The following TBL3 variants were observed in gnomAD, a reference collection of about 807,000 sequenced individuals.
TBL3 encodes transducin beta like 3, also known as transducin beta-like protein 3.
In TBL3, 71 loss-of-function variants were observed where a neutral mutation model predicts 102.7. The observed-to-expected ratio is 0.69, with a 90% CI of 0.57 to 0.84. The LOEUF (loss-of-function observed/expected upper bound fraction) is 0.84. Among genes scored for constraint, TBL3 ranks in the 40% least tolerant of loss-of-function variants. The pLI is 0.00. For synonymous variants in TBL3, 578 were observed against 477.7 expected (o/e 1.21, Z -2.74); for missense variants, 1,188 against 1,098.5 (o/e 1.08, Z -1.15).
chr16:1,974,398 C>A lies in TBL3; in HGVS notation c.212C>A (p.Ala71Asp). ...LEQEDQEDIT[A>D]FDLSPDNEVL... is the part of the protein sequence containing the mutation. ...TAGGAGGACCAGGAGGACATCACTG[C>A]CTTTGACCTCAGCCCTGACAACGAG... Residue 71 changes from alanine to aspartate, a missense_variant, in exon 4 of 22, where the codon GCC (alanine) becomes GAC (aspartate). Coordinates refer to ENST00000568546, the MANE Select transcript of TBL3 (RefSeq NM_006453.3). 6.2e-7 allele frequency: 1 copy of A among 1,610,788 alleles called. No homozygotes were observed. Among genetic ancestry groups the A allele is most frequent in the South Asian group, 1.1e-5 (1 of 90,718 alleles).
At chr16:1,973,783 C>T (rs1372777668) in intron 1 of TBL3, among the ~76,000 whole-genome samples, 5 of 152,170 alleles carry the variant, frequency 3.3e-5, no homozygotes, top group Admixed American at 6.5e-5. Flanking sequence ...CCTGGAAGCC[C>T]TGGGCTGTTG....
chr16:1,980,249 C>A lies in TBL3; in HGVS notation c.*1564C>A, dbSNP rs551088000. 1.3e-6 allele frequency: 2 copies of A among 1,524,400 alleles called. No individual in the cohort carries two copies. Among genetic ancestry groups the A allele is most frequent in the South Asian group, 2.4e-5 (2 of 82,230 alleles). The allele number at this position is 1,524,400 out of a possible 1,614,324, so 94.4% of individuals were successfully genotyped here. A position where few individuals can be genotyped will look rare whatever the true frequency, so the allele number is the denominator to read the frequency against. On this transcript the variant is annotated 3_prime_UTR_variant, in exon 22 of 22. Transcript: ENST00000568546. The stretch of plus-strand genomic sequence containing the variant: ...GAGGGTGAAACTGGGGGCGCCACCC[C>A]GGCAAGACCGCCAGCCTCCCACTCT...
chr16:1,980,416 A>C lies in TBL3; in HGVS notation c.*1731A>C. 1 of 1,603,040 alleles carries C rather than the reference A, an allele frequency of 6.2e-7. No individual in the cohort carries two copies. Among genetic ancestry groups the C allele is most frequent in the Non-Finnish European group, 8.5e-7 (1 of 1,179,846 alleles). On this transcript the variant is annotated 3_prime_UTR_variant, in exon 22 of 22. Coordinates refer to ENST00000568546, the MANE Select transcript of TBL3 (RefSeq NM_006453.3). Reference sequence around the variant, plus strand: ...AGGTCCAGGGGTTGCGGTGCGAAGAAGCCAGTGATCGTCGGGCTCCGTGCC... The same window carrying C: ...AGGTCCAGGGGTTGCGGTGCGAAGACGCCAGTGATCGTCGGGCTCCGTGCC...
chr16:1,973,212 C>T (rs547104596), intron 1 of TBL3, among the ~76,000 whole-genome samples: 1 of 152,148 alleles, frequency 6.6e-6, no homozygotes, highest in Non-Finnish European at 1.5e-5. Flanking sequence ...GAGGCCGAAG[C>T]GGGCGGATCA....
intron 13 of TBL3, among the ~76,000 whole-genome samples, 192 bp downstream of exon 13, chr16:1,976,506 T>C (rs34775709): frequency 0.088 from 13,388 of 152,158 alleles, 660 homozygotes; most frequent in Non-Finnish European, 0.092. Flanking sequence ...GAAGTAGCCC[T>C]GGTGAAGTGG....
Position 1,975,580 on chromosome 16 carries a change from C to A in TBL3, c.857C>A (p.Ala286Asp). 6.3e-7 allele frequency: 1 copy of A among 1,599,154 alleles called. No homozygotes were observed. The highest frequency in any genetic ancestry group is 1.1e-5 in the South Asian group (1 of 90,868). ...TCTGGGCAGTGTGTGTACACGCAGG[C>A]CCAGCCGCCGGGCCCTGGGCAGGAG... ...AASGQCVYTQAQPPGPGQELT... is the reference protein window; with the variant it reads ...AASGQCVYTQDQPPGPGQELT... The change falls in exon 10 of 22, where the codon GCC becomes GAC. Residue 286 changes from alanine to aspartate, a missense_variant. Coordinates refer to ENST00000568546, the MANE Select transcript of TBL3 (RefSeq NM_006453.3).
Position 1,974,429 on chromosome 16 carries a change from T to A in TBL3, c.237+6T>A, listed in dbSNP as rs979280747. On this transcript the variant is annotated splice_donor_region_variant and intron_variant, in intron 4 of 21. Transcript: ENST00000568546. ...ACCTCAGCCCTGACAACGAGGTATG[T>A]GGGGCGGGGCCTGGAGGGGACCCGC... The A allele has an allele frequency of 6.2e-7, 1 of 1,607,532 alleles. No homozygotes were observed. Among genetic ancestry groups the A allele is most frequent in the Non-Finnish European group, 8.5e-7 (1 of 1,176,782 alleles).
Position 1,977,689 on chromosome 16 carries a change from AGGGAAGAGTCG to A in TBL3, c.1899+23_1899+33del. ...CTGGAAGGTTGTGGGCCCCAAGGGC[AGGGAAGAGTCG>A]GGGTGGAGTGGAGGCCCCATCTGAC... is the stretch of plus-strand genomic sequence containing the variant. On this transcript the variant is annotated intron_variant, in intron 17 of 21. Transcript: ENST00000568546. 1 of 1,551,934 alleles carries A rather than the reference AGGGAAGAGTCG, an allele frequency of 6.4e-7. No homozygotes were observed. The highest frequency in any genetic ancestry group is 8.7e-7 in the Non-Finnish European group (1 of 1,147,202).
At chr16:1,973,510 C>A (rs950542333) in intron 1 of TBL3, among the ~76,000 whole-genome samples, 25 of 152,154 alleles carry the variant, frequency 1.6e-4, no homozygotes, top group Admixed American at 6.5e-4. Flanking sequence ...TGGCCAGAGA[C>A]TGTGATGGGC....
Position 1,975,799 on chromosome 16 carries a change from A to G in TBL3, c.988-9A>G. The G allele has an allele frequency of 6.2e-7, 1 of 1,613,920 alleles. No homozygotes were observed. Among genetic ancestry groups the G allele is most frequent in the Non-Finnish European group, 8.5e-7 (1 of 1,179,996 alleles). ...TGGCTCACATCTCCTGCTCCCTGCC[A>G]CCCCGCAGTTCGCTGGCTACAGTGA... On this transcript the variant is annotated splice_polypyrimidine_tract_variant and intron_variant, in intron 10 of 21. Coordinates refer to ENST00000568546, the MANE Select transcript of TBL3 (RefSeq NM_006453.3).
Position 1,977,763 on chromosome 16 carries a change from G to T in TBL3, c.1921G>T (p.Ala641Ser), listed in dbSNP as rs148569672. ...LWKDVTEAEQ[A>S]EEQARQEEQV... ...CCAGGATGTGACCGAGGCGGAGCAG[G>T]CAGAGGAGCAGGCCAGGCAAGAGGA... The change falls in exon 18 of 22, where the codon GCA becomes TCA. Residue 641 changes from alanine to serine, a missense_variant. Coordinates refer to ENST00000568546, the MANE Select transcript of TBL3 (RefSeq NM_006453.3). 20 of 1,555,348 alleles carry T rather than the reference G, an allele frequency of 1.3e-5. No homozygotes were observed. The highest frequency in any genetic ancestry group is 1.7e-5 in the Non-Finnish European group (19 of 1,148,958).
In TBL3 at chr16:1,980,574, A is replaced by G. The variant is rs143970610; in HGVS notation, c.*1889A>G. 381 of 1,597,594 alleles carry G rather than the reference A, an allele frequency of 2.4e-4. 1 individual carries two copies. The African/African-American group carries it at 4.3e-3, about 18-fold the overall frequency. Reference sequence around the variant, plus strand: ...AGGCACCACAAAAACGTACTGTGATACGCCGCTTTGGGCTTCACTGGTCCC... The same window carrying G: ...AGGCACCACAAAAACGTACTGTGATGCGCCGCTTTGGGCTTCACTGGTCCC... On this transcript the variant is annotated 3_prime_UTR_variant, in exon 22 of 22. Transcript: ENST00000568546.
Position 1,976,119 on chromosome 16 carries a change from G to T in TBL3, c.1188+5G>T. ...CTCTTTGCCAGCTGTGCCAAGGTGAGGCACCCTGAGAGGTAGGGGCAGGGG... is the reference window on the plus strand; with the variant it reads ...CTCTTTGCCAGCTGTGCCAAGGTGATGCACCCTGAGAGGTAGGGGCAGGGG... On this transcript the variant is annotated splice_donor_5th_base_variant and intron_variant, in intron 12 of 21. Coordinates refer to ENST00000568546, the MANE Select transcript of TBL3 (RefSeq NM_006453.3). 3.1e-6 allele frequency: 5 copies of T among 1,614,130 alleles called. No homozygotes were observed. The highest frequency in any genetic ancestry group is 4.2e-6 in the Non-Finnish European group (5 of 1,180,048).
In TBL3 at chr16:1,976,243, G is replaced by A; in HGVS notation, c.1221G>A (p.Lys407=). 1.2e-6 allele frequency: 2 copies of A among 1,614,170 alleles called. No homozygotes were observed. The highest frequency in any genetic ancestry group is 1.7e-6 in the Non-Finnish European group (2 of 1,180,032). ...GCGTCCGTATCTGGAGAATGAACAA[G>A]GCTGGCCAGGTGATGTGCGTGGCTC... ...DQSVRIWRMN[K]AGQVMCVAQG... Residue 407 remains lysine (K), a synonymous_variant, in exon 13 of 22, where the codon AAG becomes AAA. Coordinates refer to ENST00000568546, the MANE Select transcript of TBL3 (RefSeq NM_006453.3).
In TBL3 at chr16:1,981,448, A is replaced by G. The variant is rs2083508741; in HGVS notation, c.*2763A>G. The G allele has an allele frequency of 3.9e-6, 3 of 777,554 alleles. No homozygotes were observed. The highest frequency in any genetic ancestry group is 5.8e-6 in the Non-Finnish European group (3 of 514,238). 48.2% of individuals were successfully genotyped at this position (777,554 alleles called of 1,614,324 possible). On this transcript the variant is annotated 3_prime_UTR_variant, in exon 22 of 22. Transcript: ENST00000568546. ...GAGGAAGAAGAAGAATGAGCTTTCC[A>G]GCCCTGGAGGCGTGCAAGACTGAAG...
chr16:1,973,361 T>C (rs941221190), intron 1 of TBL3, among the ~76,000 whole-genome samples: 2 of 151,658 alleles, frequency 1.3e-5, no homozygotes, highest in African/African-American at 2.4e-5. Flanking sequence ...ACCCGGGAGG[T>C]GGAGCTTGCA....
At position 1,980,842 on chromosome 16, in the gene TBL3, G is replaced by T; in HGVS notation, c.*2157G>T. The T allele has an allele frequency of 6.9e-7, 1 of 1,458,104 alleles. No homozygotes were observed. The highest frequency in any genetic ancestry group is 9.5e-7 in the Non-Finnish European group (1 of 1,056,984). 90.3% of individuals were successfully genotyped at this position (1,458,104 alleles called of 1,614,324 possible). ...CTGGGAGCTTCAGCAGGGACGAAGGGCCTCCAGTGGGAGTCACTGATGGGA... is the reference window on the plus strand; with the variant it reads ...CTGGGAGCTTCAGCAGGGACGAAGGTCCTCCAGTGGGAGTCACTGATGGGA... On this transcript the variant is annotated 3_prime_UTR_variant, in exon 22 of 22. Transcript: ENST00000568546.
Position 1,974,557 on chromosome 16 carries a change from G to C in TBL3, c.257G>C (p.Arg86Pro). The change falls in exon 5 of 22, where the codon CGG (arginine) becomes CCG (proline). Residue 86 changes from arginine to proline, a missense_variant. Arg to Pro is a moderately radical substitution (Grantham distance 103). Transcript: ENST00000568546. ...PDNEVLVTAS[R>P]ALLLAQWAWQ... ...CCCCAGGTGCTGGTGACAGCCAGTC[G>C]GGCATTGCTGCTGGCTCAGTGGGCC... is the stretch of plus-strand genomic sequence containing the variant. 6.2e-7 allele frequency: 1 copy of C among 1,609,038 alleles called. No homozygotes were observed. The highest frequency in any genetic ancestry group is 8.5e-7 in the Non-Finnish European group (1 of 1,176,778).
intron 18 of TBL3, 44 bp downstream of exon 18, chr16:1,977,844 C>A: frequency 6.4e-7 from 1 of 1,572,460 alleles, no homozygotes; most frequent in South Asian, 1.1e-5. Context: ...CAGCCCTGCT[C>A]TGTGCTGTAG....
Sources: gnomAD v4.1 joint callset for allele counts (sites outside exome capture counted in the v4.1 genomes callset) on GRCh38, gnomAD v4.1.1 for gene constraint, MANE v1.5 for transcripts, NCBI Gene and HGNC (gene_info 2026-07-23, HGNC 2026-07-21) for gene names.